REDIC1: variants seen among roughly 807,000 people sequenced by gnomAD.
REDIC1 encodes the protein HEI10 Interacting Protein 1.
At chr12:39,638,085 G>A in the REDIC1 span, among the ~76,000 whole-genome samples, 23 of 151,822 alleles carry the variant, frequency 1.5e-4, no homozygotes, top group South Asian at 2.9e-3. Context: ...TATAGAAGCC[G>A]AAAAAACAAA....
the REDIC1 span, among the ~76,000 whole-genome samples, chr12:39,731,297 A>G: frequency 6.6e-6 from 1 of 151,918 alleles, no homozygotes; most frequent in African/African-American, 2.4e-5. Context: ...GGATTTATCT[A>G]CCTTTGGTCT....
the REDIC1 span, among the ~76,000 whole-genome samples, chr12:39,853,440 A>G: frequency 6.6e-6 from 1 of 152,088 alleles, no homozygotes; most frequent in African/African-American, 2.4e-5. Flanking sequence ...GCCTGGGAGA[A>G]AAAAAGGGAA....
At chr12:39,838,519 A>C in the REDIC1 span, among the ~76,000 whole-genome samples, 3 of 133,958 alleles carry the variant, frequency 2.2e-5, no homozygotes, top group South Asian at 7.2e-4. Flanking sequence ...AAAAAAAAAA[A>C]AGAAAGGGAG....
the REDIC1 span, among the ~76,000 whole-genome samples, chr12:39,857,288 T>C: frequency 6.6e-6 from 1 of 152,342 alleles, no homozygotes; most frequent in African/African-American, 2.4e-5. Context: ...ATTATGTGAC[T>C]GTTGTATTTA....
the REDIC1 span, among the ~76,000 whole-genome samples, chr12:39,727,278 T>C: frequency 6.6e-6 from 1 of 152,214 alleles, no homozygotes; most frequent in African/African-American, 2.4e-5. Flanking sequence ...GTTTTTATGG[T>C]TTTAAGTCTT....
the REDIC1 span, among the ~76,000 whole-genome samples, chr12:39,687,858 T>C: frequency 3.3e-5 from 5 of 152,328 alleles, no homozygotes; most frequent in East Asian, 7.7e-4. Context: ...AGTTTATTTC[T>C]AATCTACAGG....
chr12:39,636,255 G>A, the REDIC1 span, among the ~76,000 whole-genome samples: 1 of 151,908 alleles, frequency 6.6e-6, no homozygotes, highest in African/African-American at 2.4e-5. Context: ...ATTTTAATTA[G>A]GCTCTGTATT....
At chr12:39,700,599 C>A in the REDIC1 span, among the ~76,000 whole-genome samples, 1 of 152,020 alleles carries the variant, frequency 6.6e-6, no homozygotes, top group African/African-American at 2.4e-5. Context: ...ACAAAAGATA[C>A]TCCTCAAGAA....
chr12:39,629,015 A>C, the REDIC1 span, among the ~76,000 whole-genome samples: 1 of 152,176 alleles, frequency 6.6e-6, no homozygotes, highest in African/African-American at 2.4e-5. Flanking sequence ...GCCACAAATA[A>C]AGTAAATAAA....
At chr12:39,672,962 G>A in the REDIC1 span, among the ~76,000 whole-genome samples, 547 of 152,176 alleles carry the variant, frequency 3.6e-3, 4 homozygotes, top group Middle Eastern at 0.01. Flanking sequence ...GGACTTTGGG[G>A]ACCTTCCCAT....
At chr12:39,658,886 T>C in the REDIC1 span, among the ~76,000 whole-genome samples, 43 of 152,240 alleles carry the variant, frequency 2.8e-4, no homozygotes, top group South Asian at 8.9e-3. Flanking sequence ...CGTACATTTA[T>C]TTATGTGTAT....
chr12:39,722,235 A>C, the REDIC1 span, among the ~76,000 whole-genome samples: 1 of 152,150 alleles, frequency 6.6e-6, no homozygotes, highest in African/African-American at 2.4e-5. Flanking sequence ...TGGAGACACC[A>C]ACAGCTAAAG....
At chr12:39,812,996 ATTTTTTTTTTTTT>A in the REDIC1 span, among the ~76,000 whole-genome samples, 3 of 40,602 alleles carry the variant, frequency 7.4e-5, no homozygotes, top group South Asian at 1.9e-3. Context: ...TGCCCAGCTA[ATTTTTTTTTTTTT>A]TTTTTTTTTT....
chr12:39,829,981 G>A, the REDIC1 span: 1 of 1,205,894 alleles, frequency 8.3e-7, no homozygotes, highest in Non-Finnish European at 1.2e-6. Context: ...ATGCTGCAAA[G>A]TAATGTAGTT....
chr12:39,681,515 T>C, the REDIC1 span, among the ~76,000 whole-genome samples: 1,813 of 152,374 alleles, frequency 0.012, 12 homozygotes, highest in Middle Eastern at 0.054. Flanking sequence ...TAATATCTTA[T>C]AAAGTGCATT....
the REDIC1 span, chr12:39,756,918 T>C: frequency 5.3e-5 from 8 of 151,604 alleles, no homozygotes; most frequent in African/African-American, 1.9e-4. Context: ...AGGGAACTAC[T>C]GTGTATGGCT....
the REDIC1 span, among the ~76,000 whole-genome samples, chr12:39,732,537 C>A: frequency 1.1e-4 from 17 of 152,086 alleles, no homozygotes; most frequent in Non-Finnish European, 2.2e-4. Flanking sequence ...ATGTCATTTT[C>A]ACTTATTTAC....
chr12:39,875,629 G>T, the REDIC1 span, among the ~76,000 whole-genome samples: 1 of 152,198 alleles, frequency 6.6e-6, no homozygotes, highest in South Asian at 2.1e-4. Context: ...AGGAATGAAA[G>T]ACAAGGACAT....
chr12:39,644,376 T>A, the REDIC1 span, among the ~76,000 whole-genome samples: 1 of 151,830 alleles, frequency 6.6e-6, no homozygotes, highest in Non-Finnish European at 1.5e-5. Context: ...GGGATGTTAA[T>A]CATAGAAGTC....
Sources: allele counts gnomAD v4.1 joint callset (sites outside exome capture counted in the v4.1 genomes callset), GRCh38; gene constraint gnomAD v4.1.1; transcripts MANE v1.5; gene names NCBI Gene and HGNC (gene_info 2026-07-23, HGNC 2026-07-21).